KMT2E: variants seen among roughly 807,000 people sequenced by gnomAD.
KMT2E encodes the protein histone reader KMT2E.
A neutral mutation model predicts 184.6 loss-of-function variants in KMT2E; 30 were observed. The observed-to-expected ratio is 0.16, with a 90% CI of 0.12 to 0.22. The LOEUF is 0.22. KMT2E is among the 10% of genes least tolerant of loss of function. The pLI, the probability that KMT2E is intolerant of heterozygous loss-of-function variation, is 1.00. For synonymous variants in KMT2E, 815 were observed against 776.5 expected, an observed-to-expected ratio of 1.05 and a Z score of -0.82; for missense variants, 2,023 against 2,237.4, an observed-to-expected ratio of 0.90 and a Z score of 1.93.
At chr7:105,086,330 G>A (rs1037101599) in intron 13 of KMT2E, among the ~76,000 whole-genome samples, 4 of 152,090 alleles carry the variant, frequency 2.6e-5, no homozygotes, top group South Asian at 2.1e-4. Flanking sequence ...TGTAGAATGC[G>A]CACAGCATGA....
At chr7:105,071,443 T>A (rs538894208) in intron 6 of KMT2E, among the ~76,000 whole-genome samples, 1 of 150,084 alleles carries the variant, frequency 6.7e-6, no homozygotes, top group East Asian at 2.0e-4. Context: ...CTCGGCTCAC[T>A]GCAACCTCCG....
chr7:105,027,594 T>C (rs150972480), intron 1 of KMT2E, among the ~76,000 whole-genome samples: 100 of 152,336 alleles, frequency 6.6e-4, no homozygotes, highest in Non-Finnish European at 1.2e-3. Flanking sequence ...TAATTCATTT[T>C]TGTGTGTAAA....
At chr7:105,030,608 T>C (rs1431966902) in intron 1 of KMT2E, among the ~76,000 whole-genome samples, 2 of 152,218 alleles carry the variant, frequency 1.3e-5, no homozygotes, top group Admixed American at 6.5e-5. Flanking sequence ...CTGTCCAATG[T>C]TGTAACCAGT....
chr7:105,102,221 GTTTTTC>G (rs768183519), intron 17 of KMT2E, 27 bp downstream of exon 17: 2 of 1,537,120 alleles, frequency 1.3e-6, no homozygotes, highest in Non-Finnish European at 1.7e-6. Context: ...TGTAAGAACT[GTTTTTC>G]TAACAGTTTC....
chr7:105,066,323 A>G (rs1170194164), intron 5 of KMT2E, among the ~76,000 whole-genome samples: 2 of 152,160 alleles, frequency 1.3e-5, no homozygotes, highest in Non-Finnish European at 2.9e-5. Context: ...TTCATATCTG[A>G]TAAATGATAT....
rs150829697 is a variant in KMT2E at position 105,043,143 on chromosome 7, A to G, written c.71+2120A>G. On this transcript the variant is annotated intron_variant, in intron 3 of 26. Coordinates refer to ENST00000311117, the MANE Select transcript of KMT2E (RefSeq NM_182931.3). Reference sequence around the variant, plus strand: ...TAGAGCTTATTTATTCCATCATTCTAAACTGTTCTTTTTCTCTAAATGCCT... The same window carrying G: ...TAGAGCTTATTTATTCCATCATTCTGAACTGTTCTTTTTCTCTAAATGCCT... Among the ~76,000 whole-genome samples, 478 of 152,304 alleles carry G rather than the reference A, an allele frequency of 3.1e-3. 4 individuals carry two copies. The highest frequency in any genetic ancestry group is 0.011 in the African/African-American group (451 of 41,572).
chr7:105,064,704 A>G (rs1474762003), intron 5 of KMT2E, among the ~76,000 whole-genome samples: 2 of 152,172 alleles, frequency 1.3e-5, no homozygotes, highest in Non-Finnish European at 2.9e-5. Context: ...ATAAACTTTC[A>G]TAACCTGTAA....
At chr7:105,024,362 C>T (rs750428381) in intron 1 of KMT2E, among the ~76,000 whole-genome samples, 5 of 152,010 alleles carry the variant, frequency 3.3e-5, no homozygotes, top group African/African-American at 7.2e-5. Context: ...AAAGGTATGG[C>T]GGAAGGTACA....
chr7:105,112,579 A>AT lies in KMT2E; in HGVS notation c.4829dup (p.Leu1610PhefsTer259), dbSNP rs1243172283. The AT allele has an allele frequency of 6.2e-7, 1 of 1,613,826 alleles. No individual in the cohort carries two copies. On this transcript the variant is annotated frameshift_variant, in exon 27 of 27. Coordinates refer to ENST00000311117, the MANE Select transcript of KMT2E (RefSeq NM_182931.3). LOFTEE classifies it high-confidence loss of function. ...CCAGGACACCACGTGACTCCAGGGC[A>AT]TTTTTTGCCCTCTCAGAACCCTACC...
chr7:105,034,238 T>C (rs1421105093), intron 1 of KMT2E, among the ~76,000 whole-genome samples: 3 of 151,664 alleles, frequency 2.0e-5, no homozygotes, highest in South Asian at 4.1e-4. Context: ...TGTGTGTGTT[T>C]GTTTGTTTGT....
intron 3 of KMT2E, among the ~76,000 whole-genome samples, chr7:105,057,939 G>A (rs1358212515): frequency 5.3e-5 from 8 of 152,158 alleles, no homozygotes; most frequent in Non-Finnish European, 1.0e-4. Context: ...TTTTTGTGAT[G>A]TGTTCAAATT....
chr7:105,066,761 A>T lies in KMT2E; in HGVS notation c.451A>T (p.Arg151Trp). The T allele has an allele frequency of 6.2e-7, 1 of 1,612,922 alleles. No homozygotes were observed. The highest frequency in any genetic ancestry group is 8.5e-7 in the Non-Finnish European group (1 of 1,179,346). ...ACATATTGACTGCATGGGGATTGATAGGCAGCATATTCCTGATACATATCT... is the reference window on the plus strand; with the variant it reads ...ACATATTGACTGCATGGGGATTGATTGGCAGCATATTCCTGATACATATCT... ...WQHIDCMGID[R>W]QHIPDTYLCE... Residue 151 changes from arginine to tryptophan, a missense_variant, in exon 6 of 27, where the codon AGG (arginine) becomes TGG (tryptophan). Physicochemically the swap from Arg to Trp is moderately radical, Grantham distance 101. Transcript: ENST00000311117.
chr7:105,029,361 C>T (rs1795307409), intron 1 of KMT2E, among the ~76,000 whole-genome samples: 1 of 152,114 alleles, frequency 6.6e-6, no homozygotes, highest in African/African-American at 2.4e-5. Flanking sequence ...GTATCTAGAA[C>T]ATAGTATATG....
intron 13 of KMT2E, among the ~76,000 whole-genome samples, chr7:105,082,141 G>C (rs1166805679): frequency 6.6e-6 from 1 of 152,260 alleles, no homozygotes; most frequent in Admixed American, 6.5e-5. Context: ...TAATCAGTAT[G>C]AATGAATAAT....
intron 13 of KMT2E, among the ~76,000 whole-genome samples, chr7:105,085,175 C>T (rs963882896): frequency 1.3e-5 from 2 of 151,756 alleles, no homozygotes; most frequent in African/African-American, 4.9e-5. Flanking sequence ...GTGCACAGTT[C>T]AAACTTGTGT....
At chr7:105,094,535 A>G (rs1461349762) in intron 15 of KMT2E, among the ~76,000 whole-genome samples, 2 of 152,184 alleles carry the variant, frequency 1.3e-5, no homozygotes, top group Admixed American at 1.3e-4. Flanking sequence ...TTTGAGCACC[A>G]TGTTGGCCAT....
intron 3 of KMT2E, among the ~76,000 whole-genome samples, chr7:105,042,642 C>T (rs1428854537): frequency 6.6e-6 from 1 of 152,172 alleles, no homozygotes; most frequent in African/African-American, 2.4e-5. Context: ...AGAAGAGTCA[C>T]ATTTAGTTAA....
Position 105,090,219 on chromosome 7 carries a change from A to G in KMT2E, c.1569A>G (p.Pro523=), listed in dbSNP as rs373311912. The stretch of plus-strand genomic sequence containing the variant: ...GAACGACCAACAAAATGAAGAGCCC[A>G]GAAACTAAACAAAGAAAGCTTTCTC... ...CEGTTNKMKS[P]ETKQRKLSPL... The change falls in exon 14 of 27, where the codon CCA becomes CCG. Residue 523 remains proline (P), a synonymous_variant. Coordinates refer to ENST00000311117, the MANE Select transcript of KMT2E (RefSeq NM_182931.3). 5 of 1,606,630 alleles carry G rather than the reference A, an allele frequency of 3.1e-6. No homozygotes were observed. In the African/African-American group the frequency reaches 6.8e-5, roughly 22 times the overall value.
At chr7:105,053,760 T>A (rs1279959805) in intron 3 of KMT2E, among the ~76,000 whole-genome samples, 1 of 152,140 alleles carries the variant, frequency 6.6e-6, no homozygotes, top group Non-Finnish European at 1.5e-5. Context: ...ATGACTGTAA[T>A]CTACTCAGGA....
Sources: gnomAD v4.1 joint callset for allele counts (sites outside exome capture counted in the v4.1 genomes callset) on GRCh38, gnomAD v4.1.1 for gene constraint, MANE v1.5 for transcripts, NCBI Gene and HGNC (gene_info 2026-07-23, HGNC 2026-07-21) for gene names.